The following RBFA variants were observed in gnomAD, a reference collection of about 807,000 sequenced individuals.
The protein encoded by RBFA is putative ribosome-binding factor A, mitochondrial.
Under a neutral mutation model 27.9 loss-of-function variants are expected in RBFA, and 16 were observed. That is an observed-to-expected ratio of 0.57 (90% confidence interval 0.39 to 0.87). The LOEUF (loss-of-function observed/expected upper bound fraction) is 0.87, where lower values mean the gene tolerates loss of function less well. Among genes scored for constraint, RBFA ranks in the 40% least tolerant of loss-of-function variants. The pLI, the probability that RBFA is intolerant of heterozygous loss-of-function variation, is 0.00. For missense variants in RBFA, 456 were observed against 432.1 expected (o/e 1.06, Z -0.49); for synonymous variants, 181 against 181.0 (o/e 1.00, Z 0.00).
At chr18:80,042,071 C>T in intron 4 of RBFA, 64 bp from the exon 5 acceptor site, 1 of 1,251,090 alleles carries the variant, frequency 8.0e-7, no homozygotes, top group Non-Finnish European at 1.1e-6. Flanking sequence ...ATGTTCAGCA[C>T]TGTCACGCCT....
At chr18:80,036,553 G>GT in intron 1 of RBFA, 115 bp from the exon 2 acceptor site, 1 of 613,706 alleles carries the variant, frequency 1.6e-6, no homozygotes, top group Admixed American at 3.0e-5. Flanking sequence ...GTCCAGTAAT[G>GT]TAACATCTAA....
Position 80,046,468 on chromosome 18 carries a change from G to T in RBFA, c.*313G>T, listed in dbSNP as rs956036189. On this transcript the variant is annotated 3_prime_UTR_variant, in exon 7 of 7. Coordinates refer to ENST00000306735, the MANE Select transcript of RBFA (RefSeq NM_024805.3). ...GCAGAGCCCTGCCAGGTGCCAGTGA[G>T]TGCTTGGCCCGAGGGGTCAGGCCAC... is the stretch of plus-strand genomic sequence containing the variant. 9.6e-5 allele frequency: 33 copies of T among 342,568 alleles called. No individual in the cohort carries two copies. The highest frequency in any genetic ancestry group is 1.8e-4 in the Non-Finnish European group (33 of 182,514). 21.2% of individuals were successfully genotyped at this position (342,568 alleles called of 1,614,324 possible). A position where few individuals can be genotyped will look rare whatever the true frequency, so the allele number is the denominator to read the frequency against.
intron 1 of RBFA, chr18:80,035,043 A>G: frequency 4.5e-6 from 1 of 219,788 alleles, no homozygotes; most frequent in Non-Finnish European, 9.1e-6. Flanking sequence ...GATAAGTACA[A>G]TAAAATACAT....
In RBFA at chr18:80,038,578, A is replaced by C; in HGVS notation, c.452A>C (p.His151Pro). 1.2e-6 allele frequency: 2 copies of C among 1,614,120 alleles called. No individual in the cohort carries two copies. The highest frequency in any genetic ancestry group is 1.7e-6 in the Non-Finnish European group (2 of 1,179,936). Residue 151 changes from histidine to proline, a missense_variant, in exon 4 of 7, where the codon CAC becomes CCC. His to Pro is a moderately conservative substitution (Grantham distance 77). Coordinates refer to ENST00000306735, the MANE Select transcript of RBFA (RefSeq NM_024805.3). The part of the protein sequence containing the change: ...KTTLSAEQNA[H>P]MEAVLQRSAA... ...ACGCTCTCTGCTGAGCAGAACGCAC[A>C]CATGGAGGCTGTCCTGCAGAGAAGT...
chr18:80,038,871 C>T (rs996348767), intron 4 of RBFA, among the ~76,000 whole-genome samples: 1 of 152,196 alleles, frequency 6.6e-6, no homozygotes, highest in East Asian at 1.9e-4. Flanking sequence ...TAGGGTAAGA[C>T]GTTATTTCAC....
rs756513333 is a variant in RBFA at position 80,047,936 on chromosome 18, T to C, written c.*1781T>C. Among the ~76,000 whole-genome samples, 5 of 152,208 alleles carry C rather than the reference T, an allele frequency of 3.3e-5. No individual in the cohort carries two copies. Among genetic ancestry groups the C allele is most frequent in the Non-Finnish European group, 5.9e-5 (4 of 68,042 alleles). On this transcript the variant is annotated 3_prime_UTR_variant, in exon 7 of 7. Coordinates refer to ENST00000306735, the MANE Select transcript of RBFA (RefSeq NM_024805.3). ...CTTACAACAACCAGTTTGCCTCTTA[T>C]TCTTCTAGGGGACCATCATGGGCTG...
intron 4 of RBFA, 71 bp downstream of exon 4, chr18:80,038,688 T>A (rs1454895120): frequency 3.6e-6 from 4 of 1,122,132 alleles, no homozygotes; most frequent in Non-Finnish European, 5.2e-6. Context: ...GTTTCACTTG[T>A]AGGTGGACTT....
chr18:80,044,153 G>T (rs775069808), intron 5 of RBFA, 59 bp from the exon 6 acceptor site: 1 of 1,420,318 alleles, frequency 7.0e-7, no homozygotes. Context: ...GTGGAGCCCG[G>T]CTGTAAGTAT....
At chr18:80,039,708 G>A (rs1471896938) in intron 4 of RBFA, among the ~76,000 whole-genome samples, 1 of 152,186 alleles carries the variant, frequency 6.6e-6, no homozygotes, top group East Asian at 1.9e-4. Context: ...CTTAACAAAC[G>A]TGCTGTTGTA....
chr18:80,038,634 T>A lies in RBFA; in HGVS notation c.491+17T>A. 1 of 1,574,348 alleles carries A rather than the reference T, an allele frequency of 6.4e-7. No individual in the cohort carries two copies. The highest frequency in any genetic ancestry group is 8.7e-7 in the Non-Finnish European group (1 of 1,150,120). ...GCACATGAGGTGATGACCTTTGCTT[T>A]CTGAATGTACTTGCTTTTTGCTCAT... On this transcript the variant is annotated intron_variant, in intron 4 of 6. Coordinates refer to ENST00000306735, the MANE Select transcript of RBFA (RefSeq NM_024805.3).
Position 80,037,452 on chromosome 18 carries a change from G to T in RBFA, c.324G>T (p.Leu108=). 6.2e-7 allele frequency: 1 copy of T among 1,614,158 alleles called. No individual in the cohort carries two copies. The highest frequency in any genetic ancestry group is 8.5e-7 in the Non-Finnish European group (1 of 1,180,002). Reference sequence around the variant, plus strand: ...TCTATAAGGCACTGACAGACCTGCTGTGTACCCCTGAAGTGAGTCAGGAGC... The same window carrying T: ...TCTATAAGGCACTGACAGACCTGCTTTGTACCCCTGAAGTGAGTCAGGAGC... ...GLLYKALTDL[L]CTPEVSQELY... Residue 108 remains leucine (L), a synonymous_variant, in exon 3 of 7, where the codon CTG becomes CTT. Transcript: ENST00000306735.
chr18:80,040,239 A>ATTTTTTTTTTTTTTTTTTTTTTTT lies in RBFA; in HGVS notation c.491+1641_491+1642insTTTTTTTTTTTTTTTTTTTTTTTT, dbSNP rs71338083. Reference sequence around the variant, plus strand: ...TCCAACACATAACTGGGAGGCCTGAATTTTTTTTTTTTTTTTTTTGCTTTT... The same window carrying ATTTTTTTTTTTTTTTTTTTTTTTT: ...TCCAACACATAACTGGGAGGCCTGAATTTTTTTTTTTTTTTTTTTTTTTTTTTTTTTTTTTTTTTTTTTGCTTTT... On this transcript the variant is annotated intron_variant, in intron 4 of 6. Transcript: ENST00000306735. Among the ~76,000 whole-genome samples, 32 of 91,420 alleles carry ATTTTTTTTTTTTTTTTTTTTTTTT rather than the reference A, an allele frequency of 3.5e-4. 1 individual carries two copies. Among genetic ancestry groups the ATTTTTTTTTTTTTTTTTTTTTTTT allele is most frequent in the East Asian group, 9.1e-4 (2 of 2,202 alleles). 60.0% of individuals were successfully genotyped at this position (91,420 alleles called of 152,430 possible).
Position 80,034,449 on chromosome 18 carries a change from C to T in RBFA, c.-47C>T, listed in dbSNP as rs2145138474. ...CCCTCGCGTCAGTTGTCGCTCCGCG[C>T]CTGCGCCCGTTGTCTCCCTGCTCGC... On this transcript the variant is annotated 5_prime_UTR_variant, in exon 1 of 7. Transcript: ENST00000306735. 1 of 1,431,942 alleles carries T rather than the reference C, an allele frequency of 7.0e-7. No homozygotes were observed. The highest frequency in any genetic ancestry group is 9.1e-7 in the Non-Finnish European group (1 of 1,099,222). 88.7% of individuals were successfully genotyped at this position (1,431,942 alleles called of 1,614,324 possible). A position where few individuals can be genotyped will look rare whatever the true frequency, so the allele number is the denominator to read the frequency against.
chr18:80,044,110 C>A, intron 5 of RBFA, 102 bp from the exon 6 acceptor site: 4 of 960,836 alleles, frequency 4.2e-6, no homozygotes, highest in Non-Finnish European at 6.8e-6. Context: ...AAAGTCTGAT[C>A]AAAAGCTCTG....
At chr18:80,042,331 C>A in intron 5 of RBFA, 112 bp downstream of exon 5, 1 of 545,148 alleles carries the variant, frequency 1.8e-6, no homozygotes, top group Non-Finnish European at 2.9e-6. Flanking sequence ...CTCAAGGGAT[C>A]CTTCTGTCTC....
At position 80,045,803 on chromosome 18, in the gene RBFA, C is replaced by G. The variant is rs760503941; in HGVS notation, c.680C>G (p.Thr227Ser). The G allele has an allele frequency of 3.0e-5, 46 of 1,523,762 alleles. No individual in the cohort carries two copies. Among genetic ancestry groups the G allele is most frequent in the Middle Eastern group, 1.8e-4 (1 of 5,640 alleles). 94.4% of individuals were successfully genotyped at this position (1,523,762 alleles called of 1,614,324 possible). ...RDPDAPQPCG[T>S]TEPTTSSSLC... ...CCTGATGCCCCACAACCCTGCGGCA[C>G]CACAGAGCCGACCACAAGCTCCAGT... The change falls in exon 7 of 7, where the codon ACC (threonine) becomes AGC (serine). Residue 227 changes from threonine to serine, a missense_variant. Coordinates refer to ENST00000306735, the MANE Select transcript of RBFA (RefSeq NM_024805.3).
Position 80,038,538 on chromosome 18 carries a change from G to T in RBFA, c.412G>T (p.Ala138Ser), listed in dbSNP as rs1003314909. The change falls in exon 4 of 7, where the codon GCG becomes TCG. Residue 138 changes from alanine to serine, a missense_variant. Physicochemically the swap from Ala to Ser is moderately conservative, Grantham distance 99. Coordinates refer to ENST00000306735, the MANE Select transcript of RBFA (RefSeq NM_024805.3). ...SLTPDFSACRAYWKTTLSAEQ... is the reference protein window; with the variant it reads ...SLTPDFSACRSYWKTTLSAEQ... ...GACTCCAGACTTCTCAGCCTGCCGA[G>T]CGTACTGGAAGACAACGCTCTCTGC... 8 of 1,613,802 alleles carry T rather than the reference G, an allele frequency of 5.0e-6. No homozygotes were observed. The highest frequency in any genetic ancestry group is 5.1e-6 in the Non-Finnish European group (6 of 1,179,834).
chr18:80,038,971 C>T (rs990785387), intron 4 of RBFA, among the ~76,000 whole-genome samples: 3 of 152,166 alleles, frequency 2.0e-5, no homozygotes, highest in Non-Finnish European at 4.4e-5. Flanking sequence ...GCTGTAGGGG[C>T]GCCATGCCAC....
At chr18:80,034,711 G>T in intron 1 of RBFA, 58 bp downstream of exon 1, 2 of 1,581,484 alleles carry the variant, frequency 1.3e-6, no homozygotes, top group South Asian at 2.3e-5. Flanking sequence ...CGGTGTCCCC[G>T]GGTTGCGGTG....
Sources: gnomAD v4.1 joint callset for allele counts (sites outside exome capture counted in the v4.1 genomes callset) on GRCh38, gnomAD v4.1.1 for gene constraint, MANE v1.5 for transcripts, NCBI Gene and HGNC (gene_info 2026-07-23, HGNC 2026-07-21) for gene names.